Variants in MYL12A observed in about 807,000 individuals in gnomAD.
The protein encoded by MYL12A is myosin light chain 12A, also known as myosin regulatory light chain 12A.
MYL12A carries 11 observed loss-of-function variants against 13.3 expected under a neutral mutation model. That is an observed-to-expected ratio of 0.83 (90% CI 0.52 to 1.37). The LOEUF is 1.37. Among genes scored for constraint, MYL12A ranks in the 40% most tolerant of loss-of-function variants. The pLI is 0.00. For missense variants in MYL12A, 146 were observed against 212.3 expected, an observed-to-expected ratio of 0.69 and a Z score of 1.94; for synonymous variants, 51 against 69.9, an observed-to-expected ratio of 0.73 and a Z score of 1.35.
chr18:3,255,632 A>C (rs2081529178), intron 3 of MYL12A, 114 bp from the exon 4 acceptor site: 32 of 1,303,336 alleles, frequency 2.5e-5, no homozygotes, highest in Non-Finnish European at 2.9e-5. Context: ...TAGTTCATAT[A>C]TTTGCATGTT....
intron 1 of MYL12A, among the ~76,000 whole-genome samples, chr18:3,252,652 T>C (rs2081497491): frequency 1.3e-5 from 2 of 152,336 alleles, no homozygotes; most frequent in South Asian, 4.1e-4. Context: ...CTATAAAAAC[T>C]ATAGATGAAT....
chr18:3,252,413 G>T, intron 1 of MYL12A: 1 of 1,419,386 alleles, frequency 7.0e-7, no homozygotes, highest in Non-Finnish European at 9.4e-7. Flanking sequence ...ATTGAAAATT[G>T]CCTTTTTATT....
chr18:3,247,555 A>AG (rs977554141), upstream of MYL12A: 10 of 152,624 alleles, frequency 6.6e-5, no homozygotes, highest in African/African-American at 2.4e-4. Flanking sequence ...CGGAAAGGAT[A>AG]GGGGGGAGGA....
At position 3,255,991 on chromosome 18, in the gene MYL12A, T is replaced by G; in HGVS notation, c.*73T>G. ...TTCTGAGATTTTCTCTTGCATGCCC[T>G]TAGCTTTACAGCTTTTGCATTTCCT... On this transcript the variant is annotated 3_prime_UTR_variant, in exon 4 of 4. Transcript: ENST00000217652. 6.5e-7 allele frequency: 1 copy of G among 1,542,282 alleles called. No individual in the cohort carries two copies. Among genetic ancestry groups the G allele is most frequent in the Non-Finnish European group, 8.8e-7 (1 of 1,136,950 alleles).
intron 2 of MYL12A, 126 bp from the exon 3 acceptor site, chr18:3,253,763 T>A: frequency 9.2e-7 from 1 of 1,092,112 alleles, no homozygotes; most frequent in East Asian, 2.6e-5. Context: ...CCAAATAGTT[T>A]CACTCTCATG....
At chr18:3,247,552 G>C (rs1380298820), upstream of MYL12A, 2 of 152,716 alleles carry the variant, frequency 1.3e-5, no homozygotes, top group Non-Finnish European at 2.9e-5. Context: ...CTGCGGAAAG[G>C]ATAGGGGGGA....
intron 1 of MYL12A, chr18:3,252,220 G>A: frequency 1.1e-6 from 1 of 889,350 alleles, no homozygotes; most frequent in Admixed American, 2.6e-5. Flanking sequence ...GAAATCAGTA[G>A]TGCCTATTTT....
intron 1 of MYL12A, among the ~76,000 whole-genome samples, chr18:3,250,331 T>A (rs562748866): frequency 6.6e-6 from 1 of 152,332 alleles, no homozygotes; most frequent in Admixed American, 6.5e-5. Context: ...ACAGTCTAAA[T>A]TGTTTGAAGG....
At chr18:3,253,174 C>A in intron 1 of MYL12A, 59 bp from the exon 2 acceptor site, 1 of 1,514,172 alleles carries the variant, frequency 6.6e-7, no homozygotes, top group South Asian at 1.3e-5. Flanking sequence ...TGTTTTGATT[C>A]AAACTTAAGT....
At chr18:3,248,772 A>G (rs1239883596) in intron 1 of MYL12A, 1 of 152,208 alleles carries the variant, frequency 6.6e-6, no homozygotes, top group African/African-American at 2.4e-5. Context: ...AGTGGTGAGA[A>G]CTTTTGGGTG....
At chr18:3,250,474 AG>A (rs1437863390) in intron 1 of MYL12A, among the ~76,000 whole-genome samples, 1 of 152,144 alleles carries the variant, frequency 6.6e-6, no homozygotes, top group Non-Finnish European at 1.5e-5. Context: ...CCACACTTTT[AG>A]TTTGGTAGGG....
intron 1 of MYL12A, among the ~76,000 whole-genome samples, chr18:3,251,992 C>T (rs1424129631): frequency 6.6e-6 from 1 of 152,062 alleles, no homozygotes; most frequent in Non-Finnish European, 1.5e-5. Context: ...TTAGTCTGGA[C>T]GATATGGTTA....
rs140860285 is a variant in MYL12A, at chr18:3,252,230, T to G, written c.-15-1003T>G. ...AGAGTGAAATCAGTAGTGCCTATTTTAGACCTGCTTGGAAGAATATAACTC... is the reference window on the plus strand; with the variant it reads ...AGAGTGAAATCAGTAGTGCCTATTTGAGACCTGCTTGGAAGAATATAACTC... On this transcript the variant is annotated intron_variant, in intron 1 of 3. Coordinates refer to ENST00000217652, the MANE Select transcript of MYL12A (RefSeq NM_006471.4). The G allele has an allele frequency of 1.0e-5, 11 of 1,099,226 alleles. No homozygotes were observed. In the East Asian group the frequency reaches 2.9e-4, roughly 29 times the overall value. 68.1% of individuals were successfully genotyped at this position (1,099,226 alleles called of 1,614,324 possible).
At chr18:3,252,517 G>T in intron 1 of MYL12A, 1 of 1,213,900 alleles carries the variant, frequency 8.2e-7, no homozygotes, top group Non-Finnish European at 1.1e-6. Context: ...CGTTTAAGAT[G>T]TTTTCTAAAA....
chr18:3,252,427 G>A, intron 1 of MYL12A: 1 of 1,363,238 alleles, frequency 7.3e-7, no homozygotes, highest in Non-Finnish European at 9.7e-7. Context: ...TTTTATTTTA[G>A]GTATTATTAG....
rs561402813 is a variant in MYL12A, at chr18:3,254,450, A to T, written c.343+400A>T. On this transcript the variant is annotated intron_variant, in intron 3 of 3. Coordinates refer to ENST00000217652, the MANE Select transcript of MYL12A (RefSeq NM_006471.4). Reference sequence around the variant, plus strand: ...TCAGCTCTCAAATTGTTTAAATCTGACATCTAACCTTTATTTTAAAATACA... The same window carrying T: ...TCAGCTCTCAAATTGTTTAAATCTGTCATCTAACCTTTATTTTAAAATACA... Among the ~76,000 whole-genome samples, 264 of 152,358 alleles carry T rather than the reference A, an allele frequency of 1.7e-3. 4 individuals carry two copies. The highest frequency in any genetic ancestry group is 2.4e-3 in the Non-Finnish European group (165 of 68,036).
chr18:3,249,551 C>G (rs554104815), intron 1 of MYL12A: 1 of 152,344 alleles, frequency 6.6e-6, no homozygotes, highest in Non-Finnish European at 1.5e-5. Context: ...GTAAGTCTCT[C>G]TACTTTCCAG....
intron 1 of MYL12A, chr18:3,252,131 A>G (rs1002351392): frequency 2.9e-5 from 14 of 475,384 alleles, no homozygotes; most frequent in South Asian, 2.3e-4. Flanking sequence ...TTTTAGACCA[A>G]TGGCATAGTG....
rs766454081 is a variant in MYL12A at position 3,253,431 on chromosome 18, A to C, written c.181+3A>C. 4.4e-5 allele frequency: 71 copies of C among 1,611,660 alleles called. 1 individual carries two copies. The highest frequency in any genetic ancestry group is 5.6e-5 in the Non-Finnish European group (66 of 1,178,806). On this transcript the variant is annotated splice_donor_region_variant and intron_variant, in intron 2 of 3. Transcript: ENST00000217652. ...GCATGATATGCTTGCTTCATTGGGTAATGCTCAGTTTAAATATTAATCTAT... is the reference window on the plus strand; with the variant it reads ...GCATGATATGCTTGCTTCATTGGGTCATGCTCAGTTTAAATATTAATCTAT...
Sources: allele counts gnomAD v4.1 joint callset (sites outside exome capture counted in the v4.1 genomes callset), GRCh38; gene constraint gnomAD v4.1.1; transcripts MANE v1.5; gene names NCBI Gene and HGNC (gene_info 2026-07-23, HGNC 2026-07-21).